TTPA: variants seen among roughly 807,000 people sequenced by gnomAD.
The protein encoded by TTPA is alpha-tocopherol transfer protein.
A neutral mutation model predicts 25.9 loss-of-function variants in TTPA; 23 were observed. The observed-to-expected ratio is 0.89, with a 90% CI of 0.64 to 1.26. The LOEUF is 1.26. Among genes scored for constraint, TTPA ranks in the 50% most tolerant of loss-of-function variants. The pLI, the probability that TTPA is intolerant of heterozygous loss-of-function variation, is 0.00. For synonymous variants in TTPA, 148 were observed against 137.3 expected, an observed-to-expected ratio of 1.08 and a Z score of -0.54; for missense variants, 337 against 353.1, an observed-to-expected ratio of 0.95 and a Z score of 0.37.
intron 1 of TTPA, among the ~76,000 whole-genome samples, chr8:63,080,758 A>C (rs1482259018): frequency 6.6e-6 from 1 of 150,668 alleles, no homozygotes; most frequent in Non-Finnish European, 1.5e-5. Context: ...ATAATAAAGA[A>C]GAAAAGAGAG....
intron 1 of TTPA, among the ~76,000 whole-genome samples, chr8:63,073,667 G>A (rs1413896306): frequency 2.0e-5 from 3 of 152,196 alleles, no homozygotes; most frequent in East Asian, 3.8e-4. Context: ...CACTCCCACT[G>A]AGCCCTGCCC....
In TTPA at chr8:63,061,388, A is replaced by G. The variant is rs1805303774; in HGVS notation, c.701T>C (p.Leu234Pro). Residue 234 changes from leucine to proline, a missense_variant, in exon 5 of 5, where the codon CTT becomes CCT. Coordinates refer to ENST00000260116, the MANE Select transcript of TTPA (RefSeq NM_000370.3). ...MHGNNYKQSL[L>P]QHFPDILPLE... ...AGGAAGAATGTCTGGGAAATGCTGA[A>G]GCAAGCTTTGTTTGTAGTTGTTCCC... 1.2e-6 allele frequency: 2 copies of G among 1,613,924 alleles called. No individual in the cohort carries two copies. Among genetic ancestry groups the G allele is most frequent in the Non-Finnish European group, 1.7e-6 (2 of 1,179,966 alleles).
intron 1 of TTPA, among the ~76,000 whole-genome samples, chr8:63,077,086 G>T (rs1332884456): frequency 6.6e-6 from 1 of 152,026 alleles, no homozygotes; most frequent in African/African-American, 2.4e-5. Context: ...AATAGTATAA[G>T]TAATGTAACA....
chr8:63,061,260 T>C lies in TTPA; in HGVS notation c.829A>G (p.Ile277Val), dbSNP rs1431178085. The change falls in exon 5 of 5, where the codon ATT becomes GTT. Residue 277 changes from isoleucine to valine, a missense_variant. Ile to Val is a conservative substitution (Grantham distance 29). Transcript: ENST00000260116. ...EDYLSSISES[I>V]Q ...TCACATGACATAACTTCTCATTGAA[T>C]GCTCTCAGAAATGCTGCTGAGATAA... The C allele has an allele frequency of 1.2e-6, 2 of 1,613,472 alleles. No homozygotes were observed.
chr8:63,064,410 T>C (rs1805356752), intron 3 of TTPA, 94 bp from the exon 4 acceptor site: 5 of 828,126 alleles, frequency 6.0e-6, no homozygotes, highest in Admixed American at 2.1e-5. Flanking sequence ...GCTAAGCTTA[T>C]GGAAATATCT....
intron 2 of TTPA, 74 bp from the exon 3 acceptor site, chr8:63,066,171 C>A: frequency 7.3e-7 from 1 of 1,373,936 alleles, no homozygotes; most frequent in South Asian, 1.2e-5. Flanking sequence ...GAGACTAATT[C>A]ATTTTATTCT....
intron 2 of TTPA, among the ~76,000 whole-genome samples, chr8:63,072,708 T>A (rs1805501523): frequency 6.6e-6 from 1 of 152,242 alleles, no homozygotes; most frequent in African/African-American, 2.4e-5. Context: ...GTTAATTTTC[T>A]CACAATTACC....
At chr8:63,076,808 C>A (rs7832731) in intron 1 of TTPA, among the ~76,000 whole-genome samples, 60,330 of 151,908 alleles carry the variant, frequency 0.4, 12,075 homozygotes, top group South Asian at 0.48. Context: ...TCAGTAGTTA[C>A]TAAGTACATA....
At chr8:63,071,429 A>T (rs909754054) in intron 2 of TTPA, among the ~76,000 whole-genome samples, 2 of 152,330 alleles carry the variant, frequency 1.3e-5, no homozygotes, top group Middle Eastern at 3.4e-3. Context: ...AATTATAATT[A>T]AAAAATTCTG....
intron 3 of TTPA, 122 bp downstream of exon 3, chr8:63,065,782 A>G: frequency 8.9e-7 from 1 of 1,119,802 alleles, no homozygotes; most frequent in African/African-American, 1.6e-5. Flanking sequence ...TCTACACATC[A>G]TTTCCAAAAT....
chr8:63,076,118 T>C (rs1805558910), intron 1 of TTPA, among the ~76,000 whole-genome samples: 1 of 152,228 alleles, frequency 6.6e-6, no homozygotes, highest in Non-Finnish European at 1.5e-5. Context: ...CTTCAACACT[T>C]AATGGCTACA....
At chr8:63,061,547 T>A in intron 4 of TTPA, 122 bp from the exon 5 acceptor site, 1 of 789,664 alleles carries the variant, frequency 1.3e-6, no homozygotes, top group Non-Finnish European at 2.1e-6. Flanking sequence ...AGATACCACA[T>A]CCTTTATTCC....
At chr8:63,062,679 G>A (rs1301738877) in intron 4 of TTPA, among the ~76,000 whole-genome samples, 10 of 152,244 alleles carry the variant, frequency 6.6e-5, no homozygotes, top group Middle Eastern at 3.4e-3. Context: ...TCTGTTTCCC[G>A]TCAACTAACT....
intron 1 of TTPA, 43 bp from the exon 2 acceptor site, chr8:63,073,131 T>C: frequency 6.7e-7 from 1 of 1,500,668 alleles, no homozygotes; most frequent in Non-Finnish European, 9.2e-7. Flanking sequence ...GCATACATGG[T>C]AATGATTTTG....
rs1392830889 is a variant in TTPA at position 63,059,668 on chromosome 8, T to A, written c.*1584A>T. 2 of 152,152 alleles carry A rather than the reference T, an allele frequency of 1.3e-5. No individual in the cohort carries two copies. The highest frequency in any genetic ancestry group is 2.9e-5 in the Non-Finnish European group (2 of 68,008). 9.4% of individuals were successfully genotyped at this position (152,152 alleles called of 1,614,324 possible). On this transcript the variant is annotated 3_prime_UTR_variant, in exon 5 of 5. Coordinates refer to ENST00000260116, the MANE Select transcript of TTPA (RefSeq NM_000370.3). ...TAAAATACTAAGTATAAAACTTATG[T>A]CATAAATTGAGGGCTATGTTGAATT...
At chr8:63,070,298 T>C (rs1311900898) in intron 2 of TTPA, among the ~76,000 whole-genome samples, 2 of 152,180 alleles carry the variant, frequency 1.3e-5, no homozygotes, top group Non-Finnish European at 2.9e-5. Flanking sequence ...AAAACTTAGC[T>C]TCACCTTGGG....
intron 2 of TTPA, among the ~76,000 whole-genome samples, chr8:63,072,486 C>T (rs1322690743): frequency 2.6e-5 from 4 of 152,208 alleles, no homozygotes; most frequent in Non-Finnish European, 5.9e-5. Flanking sequence ...TGGTCTCGAA[C>T]TCCTGACCTC....
rs2129795758 is a variant in TTPA at position 63,085,868 on chromosome 8, G to A, written c.154C>T (p.Leu52=). The A allele has an allele frequency of 6.5e-7, 1 of 1,534,956 alleles. No individual in the cohort carries two copies. Among genetic ancestry groups the A allele is most frequent in the Non-Finnish European group, 8.7e-7 (1 of 1,145,226 alleles). Reference sequence around the variant, plus strand: ...TCCCGGGCGCGCAGGAACCGCAGCAGGAAGGAGTCGGTGAGCGGCAGCGGC... The same window carrying A: ...TCCCGGGCGCGCAGGAACCGCAGCAAGAAGGAGTCGGTGAGCGGCAGCGGC... ...LAPLPLTDSF[L]LRFLRARDFD... The change falls in exon 1 of 5, where the codon CTG becomes TTG. Residue 52 remains leucine, a synonymous_variant. Coordinates refer to ENST00000260116, the MANE Select transcript of TTPA (RefSeq NM_000370.3).
At chr8:63,079,936 C>G (rs1805633845) in intron 1 of TTPA, among the ~76,000 whole-genome samples, 1 of 152,162 alleles carries the variant, frequency 6.6e-6, no homozygotes, top group Non-Finnish European at 1.5e-5. Flanking sequence ...CACTCCTTAG[C>G]AAATGTAAAA....
Sources: gnomAD v4.1 joint callset for allele counts (sites outside exome capture counted in the v4.1 genomes callset) on GRCh38, gnomAD v4.1.1 for gene constraint, MANE v1.5 for transcripts, NCBI Gene and HGNC (gene_info 2026-07-23, HGNC 2026-07-21) for gene names.